KLHL1: variants seen among roughly 807,000 people sequenced by gnomAD.
KLHL1 encodes kelch like family member 1.
KLHL1 carries 47 observed loss-of-function variants against 77.7 expected under a neutral mutation model. The ratio of observed to expected loss-of-function variants is 0.60; its 90% confidence interval spans 0.48 to 0.77. The LOEUF is 0.77. Ranked by LOEUF, KLHL1 falls within the 30% of genes least tolerant of loss-of-function variation. The probability of loss-of-function intolerance (pLI) is 0.00; values close to 1 mark genes in which losing one functional copy is unlikely to be tolerated. For missense variants in KLHL1, 925 were observed against 910.8 expected (o/e 1.02, Z -0.20); for synonymous variants, 360 against 325.2 (o/e 1.11, Z -1.15).
chr13:69,708,251 AAGG>A (rs1404269538), intron 9 of KLHL1, among the ~76,000 whole-genome samples: 4 of 152,022 alleles, frequency 2.6e-5, no homozygotes, highest in African/African-American at 9.7e-5. Flanking sequence ...TAGGAAAAAA[AAGG>A]AAAGATTTGT....
chr13:69,939,336 CATACATAT>C (rs1883279496), intron 4 of KLHL1, among the ~76,000 whole-genome samples: 2 of 48,520 alleles, frequency 4.1e-5, no homozygotes, highest in South Asian at 1.6e-3. Context: ...TATACATATA[CATACATAT>C]ATATATATAT....
At chr13:70,033,533 T>A (rs1192682822) in intron 1 of KLHL1, among the ~76,000 whole-genome samples, 1 of 148,018 alleles carries the variant, frequency 6.8e-6, no homozygotes, top group African/African-American at 2.5e-5. Context: ...GGTCTCAATC[T>A]CCGACCTCGT....
chr13:69,787,045 G>A (rs1458756793), intron 7 of KLHL1, among the ~76,000 whole-genome samples: 2 of 152,146 alleles, frequency 1.3e-5, no homozygotes, highest in Non-Finnish European at 2.9e-5. Flanking sequence ...CCATGCTCAT[G>A]GGTAGGAAGA....
At position 69,813,068 on chromosome 13, in the gene KLHL1, C is replaced by G. The variant is rs539773803; in HGVS notation, c.1415-16106G>C. 3.3e-5 allele frequency among the ~76,000 whole-genome samples: 5 copies of G among 151,740 alleles called. No individual in the cohort carries two copies. In the East Asian group the frequency reaches 9.7e-4, roughly 29 times the overall value. ...TATTCACAATAGCAAAGACTCGGAACCAACCCAAATGTTCATCAATGATAG... is the reference window on the plus strand; with the variant it reads ...TATTCACAATAGCAAAGACTCGGAAGCAACCCAAATGTTCATCAATGATAG... On this transcript the variant is annotated intron_variant, in intron 6 of 10. Transcript: ENST00000377844.
chr13:69,756,542 C>T (rs539782455), intron 7 of KLHL1, among the ~76,000 whole-genome samples: 3 of 151,870 alleles, frequency 2.0e-5, no homozygotes, highest in Admixed American at 2.0e-4. Context: ...ATATAAACAC[C>T]AAAGTAATAA....
At chr13:69,785,809 A>C (rs1876509488) in intron 7 of KLHL1, among the ~76,000 whole-genome samples, 1 of 152,222 alleles carries the variant, frequency 6.6e-6, no homozygotes, top group Non-Finnish European at 1.5e-5. Context: ...ATGCAATAAA[A>C]AATGATAAAG....
intron 4 of KLHL1, among the ~76,000 whole-genome samples, chr13:69,896,353 G>A (rs1346136240): frequency 1.3e-5 from 2 of 151,858 alleles, no homozygotes; most frequent in African/African-American, 2.4e-5. Context: ...TCTTATCGTT[G>A]GTTAATTAGT....
intron 1 of KLHL1, among the ~76,000 whole-genome samples, chr13:70,079,911 G>C (rs12864769): frequency 4.6e-5 from 7 of 152,012 alleles, no homozygotes; most frequent in Non-Finnish European, 7.4e-5. Flanking sequence ...GAGTTTTTTA[G>C]AACTGAATCA....
chr13:69,875,180 G>A (rs1031220027), intron 5 of KLHL1, among the ~76,000 whole-genome samples: 1 of 151,986 alleles, frequency 6.6e-6, no homozygotes, highest in Non-Finnish European at 1.5e-5. Context: ...ATTTTCATTA[G>A]GGCAAATGAT....
Position 70,017,427 on chromosome 13 carries a change from C to A in KLHL1, c.498-41625G>T, listed in dbSNP as rs559961321. Among the ~76,000 whole-genome samples, 25 of 152,288 alleles carry A rather than the reference C, an allele frequency of 1.6e-4. 1 individual carries two copies. The South Asian group carries it at 5.0e-3, about 30-fold the overall frequency. ...AATACATCTGGTCCAGCTGCAACCT[C>A]AAAAAGAGCCAAAACTTGTGCTGGT... On this transcript the variant is annotated intron_variant, in intron 1 of 10. Transcript: ENST00000377844.
chr13:69,789,444 A>AAAGT (rs1876754023), intron 7 of KLHL1, among the ~76,000 whole-genome samples: 1 of 152,142 alleles, frequency 6.6e-6, no homozygotes, highest in Admixed American at 6.5e-5. Context: ...GATTAAATCC[A>AAAGT]AAGTTTTCCT....
intron 1 of KLHL1, among the ~76,000 whole-genome samples, chr13:69,977,228 T>G (rs9317857): frequency 0.61 from 92,934 of 151,814 alleles, 28,622 homozygotes; most frequent in Middle Eastern, 0.65. Context: ...AGTCTCCCAG[T>G]TGCTACAGAT....
At chr13:69,805,634 GCAAA>G (rs1484278542) in intron 6 of KLHL1, among the ~76,000 whole-genome samples, 2 of 149,746 alleles carry the variant, frequency 1.3e-5, no homozygotes, top group East Asian at 3.9e-4. Flanking sequence ...ACCATTAAGA[GCAAA>G]CAATCTAAAA....
intron 7 of KLHL1, among the ~76,000 whole-genome samples, chr13:69,759,225 TAG>T (rs1429480481): frequency 6.6e-6 from 1 of 152,118 alleles, no homozygotes; most frequent in Admixed American, 6.6e-5. Flanking sequence ...CCTCAGAATC[TAG>T]AGACTCAAAA....
Position 69,829,560 on chromosome 13 carries a change from G to T in KLHL1, c.1414+9416C>A, listed in dbSNP as rs552581394. On this transcript the variant is annotated intron_variant, in intron 6 of 10. Transcript: ENST00000377844. ...ATAACACCATCAGAAGATCACACTA[G>T]CTCACCAACAATGGATCCAAACCAA... Among the ~76,000 whole-genome samples the T allele has an allele frequency of 1.7e-4, 26 of 149,958 alleles. 1 individual carries two copies. Among genetic ancestry groups the T allele is most frequent in the Non-Finnish European group, 2.7e-4 (18 of 67,766 alleles).
chr13:70,075,836 C>A (rs938525100), intron 1 of KLHL1, among the ~76,000 whole-genome samples: 1 of 147,916 alleles, frequency 6.8e-6, no homozygotes, highest in African/African-American at 2.5e-5. Context: ...CAATTGCTTT[C>A]CTATACACCA....
At chr13:70,005,944 G>T (rs2137331076) in intron 1 of KLHL1, among the ~76,000 whole-genome samples, 1 of 152,068 alleles carries the variant, frequency 6.6e-6, no homozygotes. Flanking sequence ...ATGTTGTACT[G>T]CAGATCTCTA....
intron 7 of KLHL1, among the ~76,000 whole-genome samples, chr13:69,744,861 T>C (rs1874139743): frequency 6.6e-6 from 1 of 152,110 alleles, no homozygotes; most frequent in Non-Finnish European, 1.5e-5. Flanking sequence ...GCCACTTTTA[T>C]AGCTCCATTC....
intron 5 of KLHL1, among the ~76,000 whole-genome samples, chr13:69,844,603 G>A (rs1879386202): frequency 2.0e-5 from 3 of 151,574 alleles, no homozygotes; most frequent in Admixed American, 6.6e-5. Flanking sequence ...CCACATGTGA[G>A]TTTGGGTAGG....
Sources: gnomAD v4.1 joint callset for allele counts (sites outside exome capture counted in the v4.1 genomes callset) on GRCh38, gnomAD v4.1.1 for gene constraint, MANE v1.5 for transcripts, NCBI Gene and HGNC (gene_info 2026-07-23, HGNC 2026-07-21) for gene names.